The following NDST4 variants were observed in gnomAD, a reference collection of about 807,000 sequenced individuals.
NDST4 encodes the protein N-deacetylase and N-sulfotransferase 4, also known as N-heparan sulfate sulfotransferase 4.
In NDST4, 63 loss-of-function variants were observed where a neutral mutation model predicts 100.8. The observed-to-expected ratio is 0.62, with a 90% CI of 0.51 to 0.77. The LOEUF is 0.77. Ranked by LOEUF, NDST4 falls within the 30% of genes least tolerant of loss-of-function variation. The pLI, the probability that NDST4 is intolerant of heterozygous loss-of-function variation, is 0.00. For synonymous variants in NDST4, 377 were observed against 361.8 expected (o/e 1.04, Z -0.48); for missense variants, 943 against 1,018.4 (o/e 0.93, Z 1.01).
At chr4:115,043,059 C>G (rs558442473) in intron 2 of NDST4, among the ~76,000 whole-genome samples, 51 of 152,100 alleles carry the variant, frequency 3.4e-4, no homozygotes, top group African/African-American at 1.2e-3. Flanking sequence ...TTATTTACCA[C>G]TACACATGCT....
chr4:114,843,647 A>AT (rs1368937739), intron 10 of NDST4, among the ~76,000 whole-genome samples: 2 of 151,872 alleles, frequency 1.3e-5, no homozygotes, highest in Non-Finnish European at 1.5e-5. Flanking sequence ...TAATGGTTTG[A>AT]TTTTTTAGCA....
intron 7 of NDST4, among the ~76,000 whole-genome samples, chr4:114,856,131 C>T (rs985105882): frequency 6.6e-6 from 1 of 151,736 alleles, no homozygotes; most frequent in Admixed American, 6.6e-5. Context: ...GGTGCCAACT[C>T]GGCTCACTGC....
chr4:114,910,081 A>T (rs1046132196), intron 6 of NDST4, among the ~76,000 whole-genome samples: 1 of 152,166 alleles, frequency 6.6e-6, no homozygotes, highest in Non-Finnish European at 1.5e-5. Flanking sequence ...AGCAAGAAAG[A>T]TGAGCTGGAA....
chr4:114,968,077 T>A (rs962945692), intron 4 of NDST4, among the ~76,000 whole-genome samples: 1 of 152,196 alleles, frequency 6.6e-6, no homozygotes. Context: ...GTCCTTGATC[T>A]TAACTACTTT....
chr4:114,884,636 T>C (rs1193464116), intron 6 of NDST4, among the ~76,000 whole-genome samples: 1 of 152,128 alleles, frequency 6.6e-6, no homozygotes, highest in African/African-American at 2.4e-5. Flanking sequence ...AAAAGTTACA[T>C]CAATATTTTC....
At chr4:115,082,285 C>A (rs1479796) in intron 1 of NDST4, among the ~76,000 whole-genome samples, 5,236 of 152,068 alleles carry the variant, frequency 0.034, 317 homozygotes, top group African/African-American at 0.12. Context: ...ATAAGATTGC[C>A]TTTTGACATT....
chr4:115,002,509 A>G (rs1369196881), intron 2 of NDST4, among the ~76,000 whole-genome samples: 1 of 152,090 alleles, frequency 6.6e-6, no homozygotes, highest in Non-Finnish European at 1.5e-5. Flanking sequence ...ATTAGATCCC[A>G]TTTGCCAATT....
chr4:114,871,458 A>G (rs1724147129), intron 6 of NDST4, among the ~76,000 whole-genome samples: 2 of 152,032 alleles, frequency 1.3e-5, no homozygotes, highest in African/African-American at 2.4e-5. Flanking sequence ...ACTTTTCCCC[A>G]CTCATTAATC....
chr4:115,074,346 T>A (rs1729136948), intron 2 of NDST4, among the ~76,000 whole-genome samples: 2 of 152,060 alleles, frequency 1.3e-5, no homozygotes, highest in South Asian at 2.1e-4. Flanking sequence ...TAACTCATAT[T>A]GATCTTTAGC....
At chr4:114,876,014 T>C (rs777977991) in intron 6 of NDST4, among the ~76,000 whole-genome samples, 2 of 152,210 alleles carry the variant, frequency 1.3e-5, no homozygotes, top group South Asian at 2.1e-4. Context: ...TACTTAGTCC[T>C]GTGCCTTACA....
chr4:115,083,396 G>T (rs1451572732), intron 1 of NDST4, among the ~76,000 whole-genome samples: 1 of 152,108 alleles, frequency 6.6e-6, no homozygotes, highest in African/African-American at 2.4e-5. Context: ...AGAGTTCAAG[G>T]TTGCAGTGAG....
chr4:115,053,514 C>A (rs1260183421), intron 2 of NDST4, among the ~76,000 whole-genome samples: 1 of 152,004 alleles, frequency 6.6e-6, no homozygotes, highest in Admixed American at 6.6e-5. Flanking sequence ...ATTTCACTGG[C>A]CTTTAAATTC....
intron 7 of NDST4, among the ~76,000 whole-genome samples, chr4:114,869,283 G>T (rs1724097738): frequency 6.6e-6 from 1 of 151,648 alleles, no homozygotes; most frequent in Non-Finnish European, 1.5e-5. Flanking sequence ...TACAGATAGA[G>T]GAAGAGTAGC....
At chr4:115,016,159 A>G (rs1205587252) in intron 2 of NDST4, among the ~76,000 whole-genome samples, 1 of 152,078 alleles carries the variant, frequency 6.6e-6, no homozygotes, top group African/African-American at 2.4e-5. Context: ...TTTTCGTGGA[A>G]TTCATTGGTC....
intron 4 of NDST4, among the ~76,000 whole-genome samples, chr4:114,953,283 A>G (rs1442764242): frequency 6.6e-6 from 1 of 152,118 alleles, no homozygotes; most frequent in Non-Finnish European, 1.5e-5. Flanking sequence ...AGAACAACTT[A>G]GATTTATATA....
At chr4:115,027,183 ACTC>A (rs1728004983) in intron 2 of NDST4, among the ~76,000 whole-genome samples, 1 of 151,808 alleles carries the variant, frequency 6.6e-6, no homozygotes. Flanking sequence ...CTGCTTGACC[ACTC>A]CTCCTTAGTG....
chr4:115,022,096 AC>A (rs765993697), intron 2 of NDST4, among the ~76,000 whole-genome samples: 1 of 136,110 alleles, frequency 7.3e-6, no homozygotes, highest in Non-Finnish European at 1.5e-5. Flanking sequence ...CCATATATAC[AC>A]GTTCCACGTC....
chr4:115,035,148 T>A (rs879575413), intron 2 of NDST4, among the ~76,000 whole-genome samples: 5 of 152,278 alleles, frequency 3.3e-5, no homozygotes, highest in Admixed American at 2.6e-4. Flanking sequence ...TTTCATTTGC[T>A]TGCAACTTTC....
At chr4:114,985,024 G>A (rs978007076) in intron 2 of NDST4, among the ~76,000 whole-genome samples, 13 of 152,132 alleles carry the variant, frequency 8.5e-5, no homozygotes, top group South Asian at 8.3e-4. Flanking sequence ...AGTTTTCTAC[G>A]TAATATCATG....
Sources: gnomAD v4.1 joint callset for allele counts (sites outside exome capture counted in the v4.1 genomes callset) on GRCh38, gnomAD v4.1.1 for gene constraint, MANE v1.5 for transcripts, NCBI Gene and HGNC (gene_info 2026-07-23, HGNC 2026-07-21) for gene names.